PDE4DIP: variants seen among roughly 807,000 people sequenced by gnomAD.
The protein encoded by PDE4DIP is myomegalin.
A neutral mutation model predicts 221.4 loss-of-function variants in PDE4DIP; 59 were observed. The ratio of observed to expected loss-of-function variants is 0.27; its 90% confidence interval spans 0.22 to 0.33. PDE4DIP has a LOEUF of 0.33. PDE4DIP is among the 10% of genes least tolerant of loss of function. The pLI is 1.00. For missense variants in PDE4DIP, 1,036 were observed against 2,154.2 expected, an observed-to-expected ratio of 0.48 and a Z score of 10.28; for synonymous variants, 404 against 815.9, an observed-to-expected ratio of 0.50 and a Z score of 8.60.
At chr1:148,987,362 G>C (rs182769837) in intron 21 of PDE4DIP, among the ~76,000 whole-genome samples, 2 of 152,282 alleles carry the variant, frequency 1.3e-5, no homozygotes, top group African/African-American at 2.4e-5. Flanking sequence ...ATTGTAGTTT[G>C]ATAGGAGGCC....
intron 4 of PDE4DIP, among the ~76,000 whole-genome samples, chr1:148,937,353 C>T (rs2049434584): frequency 6.6e-6 from 1 of 152,124 alleles, no homozygotes. Context: ...GTTTCTTTTC[C>T]AACTTCATAT....
chr1:148,923,098 TG>T (rs1553462987), intron 1 of PDE4DIP, among the ~76,000 whole-genome samples: 2 of 138,232 alleles, frequency 1.4e-5, no homozygotes, highest in East Asian at 2.5e-4. Context: ...CCACCACGCC[TG>T]GCTAATTTTT....
At chr1:148,920,227 G>A (rs1203532044) in intron 1 of PDE4DIP, among the ~76,000 whole-genome samples, 1 of 142,780 alleles carries the variant, frequency 7.0e-6, no homozygotes, top group Non-Finnish European at 1.5e-5. Context: ...CCGCCTCCTG[G>A]GTTCAAGCAA....
At chr1:149,016,216 A>G (rs1553610435) in intron 32 of PDE4DIP, 83 bp from the exon 36 acceptor site, 5 of 952,122 alleles carry the variant, frequency 5.3e-6, no homozygotes, top group Non-Finnish European at 8.0e-6. Flanking sequence ...TTTAGTCTCT[A>G]TTCTTAGCAA....
intron 22 of PDE4DIP, among the ~76,000 whole-genome samples, chr1:148,995,868 TAAAATAAAAAAATAA>T (rs2064085811): frequency 1.8e-5 from 2 of 114,192 alleles, no homozygotes; most frequent in African/African-American, 6.6e-5. Context: ...ATAATAATAA[TAAAATAAAAAAATAA>T]AAAATAAAAA....
rs1462952624 is a variant in PDE4DIP, at chr1:148,999,448, G to T, written c.3137+1073G>T. Reference sequence around the variant, plus strand: ...TTGTTTCATAGCTGAGGAAACTCAGGCCTAGAAAGTTTCAAGTGACTTGCT... The same window carrying T: ...TTGTTTCATAGCTGAGGAAACTCAGTCCTAGAAAGTTTCAAGTGACTTGCT... On this transcript the variant is annotated intron_variant, in intron 23 of 43. Coordinates refer to ENST00000369354, the Ensembl canonical transcript of PDE4DIP. Among the ~76,000 whole-genome samples, 3 of 152,254 alleles carry T rather than the reference G, an allele frequency of 2.0e-5. No homozygotes were observed. In the South Asian group the frequency reaches 6.2e-4, roughly 32 times the overall value.
chr1:148,975,738 A>G lies in PDE4DIP; in HGVS notation c.2319+1133A>G, dbSNP rs587613059. ...CAGCTCAGAGTTACAGACTGAAACT[A>G]AAAGCTTGTTTGTTACTATGCTGGC... is the stretch of plus-strand genomic sequence containing the variant. On this transcript the variant is annotated intron_variant, in intron 17 of 43. Coordinates refer to ENST00000369354, the Ensembl canonical transcript of PDE4DIP. Among the ~76,000 whole-genome samples the G allele has an allele frequency of 2.0e-5, 3 of 152,150 alleles. No homozygotes were observed. The East Asian group carries it at 5.9e-4, about 30-fold the overall frequency.
intron 5 of PDE4DIP, among the ~76,000 whole-genome samples, chr1:148,938,664 TTC>T: frequency 6.6e-6 from 1 of 152,320 alleles, no homozygotes; most frequent in South Asian, 2.1e-4. Context: ...GCTAGGCATA[TTC>T]TCTGTTTGTA....
Position 148,892,362 on chromosome 1 carries a change from C to T in PDE4DIP, c.141+2468C>T, listed in dbSNP as rs2590126. ...GATCATTTGATCTCACTCTCTGCTC[C>T]GCCCTAGCGAAAGATCTTTAGGAAA... On this transcript the variant is annotated intron_variant, in intron 1 of 43. Transcript: ENST00000369354. 4.1e-5 allele frequency among the ~76,000 whole-genome samples: 5 copies of T among 122,062 alleles called. 1 individual carries two copies. Among genetic ancestry groups the T allele is most frequent in the African/African-American group, 1.4e-4 (4 of 29,466 alleles). 80.1% of individuals were successfully genotyped at this position (122,062 alleles called of 152,430 possible).
At chr1:148,984,888 A>T (rs2061651019) in intron 21 of PDE4DIP, 1 of 152,076 alleles carries the variant, frequency 6.6e-6, no homozygotes, top group Admixed American at 6.6e-5. Context: ...TTTTTATAGA[A>T]AACAGTCACA....
chr1:148,967,030 G>A, intron 12 of PDE4DIP, 54 bp downstream of exon 15: 2 of 786,052 alleles, frequency 2.5e-6, no homozygotes, highest in African/African-American at 1.8e-5. Flanking sequence ...TGTATCCTGA[G>A]CCTGAAGCAT....
At chr1:148,979,565 A>AT (rs1159079954) in intron 19 of PDE4DIP, among the ~76,000 whole-genome samples, 172 bp from the exon 23 acceptor site, 12 of 152,186 alleles carry the variant, frequency 7.9e-5, no homozygotes, top group African/African-American at 2.4e-4. Flanking sequence ...GGTTTTAAAG[A>AT]TAAAAAAAAG....
intron 6 of PDE4DIP, among the ~76,000 whole-genome samples, chr1:148,961,623 G>A (rs1284826498): frequency 6.6e-6 from 1 of 152,178 alleles, no homozygotes; most frequent in African/African-American, 2.4e-5. Context: ...CGTGAAAATT[G>A]AGACAATTTA....
At chr1:148,962,004 TCAAA>T in intron 7 of PDE4DIP, 48 bp downstream of exon 10, 1 of 803,564 alleles carries the variant, frequency 1.2e-6, no homozygotes, top group Admixed American at 1.8e-5. Flanking sequence ...ATTGGTCCCT[TCAAA>T]GTAGACAAGT....
chr1:149,023,417 G>A (rs587775936), intron 37 of PDE4DIP, among the ~76,000 whole-genome samples: 86 of 144,572 alleles, frequency 5.9e-4, no homozygotes, highest in Admixed American at 9.0e-4. Flanking sequence ...TTTACCTTTC[G>A]AAATACATTT....
intron 23 of PDE4DIP, among the ~76,000 whole-genome samples, chr1:149,000,691 C>T (rs1400644133): frequency 4.0e-5 from 6 of 151,776 alleles, no homozygotes; most frequent in South Asian, 2.1e-4. Context: ...CTTAGGTCTG[C>T]AGCTAGTACA....
At chr1:148,964,101 T>G (rs1159778496) in intron 9 of PDE4DIP, among the ~76,000 whole-genome samples, 2 of 142,940 alleles carry the variant, frequency 1.4e-5, no homozygotes, top group African/African-American at 5.2e-5. Context: ...TTTCTTTTCT[T>G]TCTTTCTTTC....
At chr1:149,014,930 A>T (rs1553609221) in intron 32 of PDE4DIP, among the ~76,000 whole-genome samples, 1 of 152,178 alleles carries the variant, frequency 6.6e-6, no homozygotes, top group East Asian at 1.9e-4. Context: ...CATGGCCTTG[A>T]TTAAAAAGTA....
chr1:148,929,387 G>C, intron 2 of PDE4DIP, 114 bp downstream of exon 5: 1 of 1,412,620 alleles, frequency 7.1e-7, no homozygotes, highest in Non-Finnish European at 9.6e-7. Flanking sequence ...TCCTGTATCT[G>C]ATTCAGGAAC....
Sources: allele counts gnomAD v4.1 joint callset (sites outside exome capture counted in the v4.1 genomes callset), GRCh38; gene constraint gnomAD v4.1.1; transcripts MANE v1.5; gene names NCBI Gene and HGNC (gene_info 2026-07-23, HGNC 2026-07-21).